Variants in MYT1L observed in about 807,000 individuals in gnomAD.
The protein encoded by MYT1L is myelin transcription factor 1-like protein.
Under a neutral mutation model 126.7 loss-of-function variants are expected in MYT1L, and 12 were observed. The ratio of observed to expected loss-of-function variants is 0.09; its 90% confidence interval spans 0.06 to 0.15. The LOEUF (loss-of-function observed/expected upper bound fraction) is 0.15. Among genes scored for constraint, MYT1L ranks in the 10% least tolerant of loss-of-function variants. The probability of loss-of-function intolerance (pLI) is 1.00; values close to 1 mark genes in which losing one functional copy is unlikely to be tolerated. For missense variants in MYT1L, 979 were observed against 1,585.2 expected (o/e 0.62, Z 6.49); for synonymous variants, 541 against 604.2 (o/e 0.90, Z 1.53).
At chr2:2,153,416 G>A (rs1289133588) in intron 3 of MYT1L, among the ~76,000 whole-genome samples, 1 of 152,218 alleles carries the variant, frequency 6.6e-6, no homozygotes, top group Non-Finnish European at 1.5e-5. Context: ...AGCAGTCAGA[G>A]CTGGAGGTGC....
At chr2:1,854,800 C>T (rs1046939832) in intron 18 of MYT1L, among the ~76,000 whole-genome samples, 1 of 152,218 alleles carries the variant, frequency 6.6e-6, no homozygotes, top group African/African-American at 2.4e-5. Context: ...TCACAGTCCT[C>T]CTGGGCCTGA....
intron 2 of MYT1L, among the ~76,000 whole-genome samples, chr2:2,249,833 A>C (rs543363592): frequency 2.0e-5 from 3 of 152,312 alleles, no homozygotes; most frequent in Admixed American, 2.0e-4. Context: ...TTATAAAAAA[A>C]ACTAATAATT....
intron 1 of MYT1L, chr2:2,325,057 C>T (rs140188677): frequency 2.4e-4 from 37 of 152,518 alleles, no homozygotes; most frequent in African/African-American, 8.4e-4. Flanking sequence ...CTGTAAATAC[C>T]GGAGTCAGGC....
intron 3 of MYT1L, among the ~76,000 whole-genome samples, chr2:2,145,434 T>A (rs1431284165): frequency 6.6e-6 from 1 of 152,146 alleles, no homozygotes; most frequent in African/African-American, 2.4e-5. Flanking sequence ...ATAAAAATAG[T>A]CCTGTCTCCA....
At chr2:2,281,790 C>A (rs2095450275) in intron 2 of MYT1L, among the ~76,000 whole-genome samples, 1 of 152,172 alleles carries the variant, frequency 6.6e-6, no homozygotes, top group Admixed American at 6.5e-5. Flanking sequence ...GTAAAAACAA[C>A]AGGTGCCTAT....
intron 3 of MYT1L, among the ~76,000 whole-genome samples, chr2:2,109,827 T>C (rs1173291932): frequency 1.4e-5 from 2 of 143,386 alleles, no homozygotes; most frequent in Non-Finnish European, 3.0e-5. Context: ...AAACTAGCCA[T>C]GTGTGGAAAT....
chr2:1,938,139 C>T (rs1241522591), intron 9 of MYT1L, among the ~76,000 whole-genome samples: 1 of 152,198 alleles, frequency 6.6e-6, no homozygotes, highest in Non-Finnish European at 1.5e-5. Flanking sequence ...TAGGCTCTTC[C>T]TCAGGAAATG....
intron 18 of MYT1L, among the ~76,000 whole-genome samples, chr2:1,873,997 G>A (rs2046564767): frequency 6.6e-6 from 1 of 151,994 alleles, no homozygotes; most frequent in Non-Finnish European, 1.5e-5. Context: ...GGATTCTATG[G>A]GACAGGGCAC....
At chr2:2,230,151 C>T (rs1195875868) in intron 2 of MYT1L, among the ~76,000 whole-genome samples, 3 of 152,170 alleles carry the variant, frequency 2.0e-5, no homozygotes, top group African/African-American at 7.2e-5. Flanking sequence ...ACAGTGATCT[C>T]TCAACAGGAA....
At chr2:2,196,557 TATATAAC>T (rs1572362382) in intron 2 of MYT1L, among the ~76,000 whole-genome samples, 2 of 151,462 alleles carry the variant, frequency 1.3e-5, no homozygotes, top group South Asian at 2.1e-4. Context: ...TGGTTTATAT[TATATAAC>T]ATATAACATA....
At chr2:1,987,995 GGAGTA>G (rs1286526715) in intron 5 of MYT1L, among the ~76,000 whole-genome samples, 4 of 152,152 alleles carry the variant, frequency 2.6e-5, no homozygotes, top group African/African-American at 9.7e-5. Flanking sequence ...CTCTGCTCTT[GGAGTA>G]ATTTGTTCTT....
In MYT1L at chr2:1,811,834, C is replaced by A. The variant is rs2036715098; in HGVS notation, c.3081-2667G>T. Among the ~76,000 whole-genome samples the A allele has an allele frequency of 6.6e-6, 1 of 152,134 alleles. No homozygotes were observed. Among genetic ancestry groups the A allele is most frequent in the Non-Finnish European group, 1.5e-5 (1 of 68,026 alleles). On this transcript the variant is annotated intron_variant, in intron 21 of 24. Transcript: ENST00000647738. This position sits in a 1 kb window ranked among gnomAD's most constrained non-coding sequence, Gnocchi z 4.4. ...TGGCAGTCGTCCCCACTCCGGGGCA[C>A]CCTCCTGGGTCTTCTCCTGCCTCCC... is the stretch of plus-strand genomic sequence containing the variant.
chr2:2,239,792 C>T (rs991159002), intron 2 of MYT1L, among the ~76,000 whole-genome samples: 3 of 152,152 alleles, frequency 2.0e-5, no homozygotes, highest in Admixed American at 6.5e-5. Context: ...GGGTAATCTG[C>T]TAATTTGATA....
rs1020756216 is a variant in MYT1L, at chr2:1,889,556, C to T, written c.2284-79G>A. On this transcript the variant is annotated intron_variant, in intron 15 of 24. Transcript: ENST00000647738. This position sits in a 1 kb window ranked among gnomAD's most constrained non-coding sequence, Gnocchi z 4.1. ...CGAGTCCTTCCTCCCAGATTACAGT[C>T]CTGCCGTCAGCCAGTGTAGCGTTCA... The T allele has an allele frequency of 1.2e-5, 14 of 1,186,980 alleles. No individual in the cohort carries two copies. The highest frequency in any genetic ancestry group is 1.7e-5 in the Non-Finnish European group (14 of 845,192). 73.5% of individuals were successfully genotyped at this position (1,186,980 alleles called of 1,614,324 possible).
At chr2:2,188,483 G>A (rs912228942) in intron 2 of MYT1L, among the ~76,000 whole-genome samples, 2 of 152,142 alleles carry the variant, frequency 1.3e-5, no homozygotes, top group East Asian at 3.9e-4. Flanking sequence ...AGTGCTTAAT[G>A]CCAAATTATG....
At chr2:2,191,209 G>A (rs897237445) in intron 2 of MYT1L, among the ~76,000 whole-genome samples, 3 of 152,218 alleles carry the variant, frequency 2.0e-5, no homozygotes, top group Admixed American at 1.3e-4. Flanking sequence ...CCCAGCACAG[G>A]ATGAAGGAGG....
intron 3 of MYT1L, among the ~76,000 whole-genome samples, chr2:2,105,685 C>A (rs1298536697): frequency 2.0e-5 from 3 of 152,136 alleles, no homozygotes; most frequent in African/African-American, 7.2e-5. Context: ...ACAAAAATTT[C>A]TTATAAATTA....
chr2:1,892,506 CTTTTTTTTTT>C (rs5828877), intron 14 of MYT1L, among the ~76,000 whole-genome samples: 2 of 134,286 alleles, frequency 1.5e-5, no homozygotes, highest in Non-Finnish European at 3.1e-5. Flanking sequence ...TTCCTTTTTC[CTTTTTTTTTT>C]TTTTTTTGCC....
At chr2:2,132,719 A>G (rs1344822272) in intron 3 of MYT1L, among the ~76,000 whole-genome samples, 1 of 152,236 alleles carries the variant, frequency 6.6e-6, no homozygotes, top group Non-Finnish European at 1.5e-5. Context: ...CTGCACAAGT[A>G]TCCCAGAACT....
Sources: gnomAD v4.1 joint callset for allele counts (sites outside exome capture counted in the v4.1 genomes callset) on GRCh38, gnomAD v4.1.1 for gene constraint, Gnocchi (gnomAD v3.1) non-coding constraint, MANE v1.5 for transcripts, NCBI Gene and HGNC (gene_info 2026-07-23, HGNC 2026-07-21) for gene names.